The following SDCBP2 variants were observed in gnomAD, a reference collection of about 807,000 sequenced individuals.
The protein encoded by SDCBP2 is syntenin-2.
SDCBP2 carries 28 observed loss-of-function variants against 30.7 expected under a neutral mutation model. The ratio of observed to expected loss-of-function variants is 0.91; its 90% CI spans 0.68 to 1.25. SDCBP2 has a LOEUF of 1.25. Among genes scored for constraint, SDCBP2 ranks in the 50% most tolerant of loss-of-function variants. The probability of loss-of-function intolerance (pLI) is 0.00; values close to 1 mark genes in which losing one functional copy is unlikely to be tolerated. For missense variants in SDCBP2, 399 were observed against 379.0 expected, an observed-to-expected ratio of 1.05 and a Z score of -0.44; for synonymous variants, 166 against 157.3, an observed-to-expected ratio of 1.06 and a Z score of -0.41.
intron 7 of SDCBP2, among the ~76,000 whole-genome samples, chr20:1,311,719 C>T (rs920188957): frequency 2.0e-5 from 3 of 152,128 alleles, no homozygotes; most frequent in East Asian, 1.9e-4. Context: ...AAGAACCTCA[C>T]GACCCCATGG....
chr20:1,316,633 A>G (rs1356884273), intron 4 of SDCBP2, among the ~76,000 whole-genome samples: 1 of 152,128 alleles, frequency 6.6e-6, no homozygotes, highest in Non-Finnish European at 1.5e-5. Flanking sequence ...CAAGTGATCC[A>G]CCTGTCTCAG....
At chr20:1,328,067 A>G (rs2088956134) in intron 1 of SDCBP2, among the ~76,000 whole-genome samples, 1 of 152,062 alleles carries the variant, frequency 6.6e-6, no homozygotes, top group South Asian at 2.1e-4. Context: ...CATTTGAGGA[A>G]AGGCCTAATG....
At chr20:1,310,612 C>A in intron 8 of SDCBP2, 117 bp from the exon 9 acceptor site, 1 of 1,111,634 alleles carries the variant, frequency 9.0e-7, no homozygotes. Context: ...AGTTCTAAGA[C>A]TTTCGAATCA....
chr20:1,314,127 AAATT>A (rs2088732178), intron 4 of SDCBP2, among the ~76,000 whole-genome samples: 1 of 152,230 alleles, frequency 6.6e-6, no homozygotes, highest in Non-Finnish European at 1.5e-5. Context: ...CTGGGATACA[AAATT>A]AACACACAAG....
chr20:1,313,420 T>TCTCA lies in SDCBP2; in HGVS notation c.300_303dup (p.Ile102Ter), dbSNP rs1256631124. 3 of 1,606,502 alleles carry TCTCA rather than the reference T, an allele frequency of 1.9e-6. No homozygotes were observed. The South Asian group carries it at 3.3e-5, about 18-fold the overall frequency. On this transcript the variant is annotated stop_gained and frameshift_variant, in exon 5 of 9. Coordinates refer to ENST00000360779, the MANE Select transcript of SDCBP2 (RefSeq NM_080489.5). LOFTEE classifies it high-confidence loss of function. The surrounding 1 kb of genome is among the most constrained non-coding windows in gnomAD (Gnocchi z 5.2). ...TGGATCTCGCGCACCCCGGGCTTGA[T>TCTCA]CTCAGCTCGCCGCACGCCCAGGCTG...
intron 8 of SDCBP2, 93 bp from the exon 9 acceptor site, chr20:1,310,588 G>T: frequency 2.4e-6 from 3 of 1,246,972 alleles, no homozygotes; most frequent in Non-Finnish European, 3.4e-6. Flanking sequence ...CATCCCATGT[G>T]GGCCTTCACT....
chr20:1,319,739 G>A lies in SDCBP2; in HGVS notation c.55-80C>T, dbSNP rs923372701. ...GAGCCTGGAGCTCCATGAGGCCAGG[G>A]TCTGGGCATTAGGGGTGTGAGTGGG... On this transcript the variant is annotated intron_variant, in intron 2 of 8. Transcript: ENST00000360779. 8.6e-6 allele frequency: 11 copies of A among 1,272,896 alleles called. No individual in the cohort carries two copies. The African/African-American group carries it at 1.4e-4, about 16-fold the overall frequency. 78.9% of individuals were successfully genotyped at this position (1,272,896 alleles called of 1,614,324 possible).
At chr20:1,325,887 C>G (rs912117) in intron 1 of SDCBP2, 58,835 of 152,002 alleles carry the variant, frequency 0.39, 11,538 homozygotes, top group East Asian at 0.59. Context: ...TGCCCCGCCC[C>G]ACCCTACGCA....
At position 1,320,558 on chromosome 20, in the gene SDCBP2, A is replaced by C; in HGVS notation, c.-19-123T>G. ...TATTCAAACAGAAAGGCAGCAGGGC[A>C]CTTAGAATGCCTCCCCGAACTCCAC... On this transcript the variant is annotated intron_variant, in intron 1 of 8. Coordinates refer to ENST00000360779, the MANE Select transcript of SDCBP2 (RefSeq NM_080489.5). The surrounding 1 kb of genome is among the most constrained non-coding windows in gnomAD (Gnocchi z 4.7). 1.4e-6 allele frequency: 1 copy of C among 702,020 alleles called. No individual in the cohort carries two copies. The highest frequency in any genetic ancestry group is 2.4e-6 in the Non-Finnish European group (1 of 409,080). The allele number at this position is 702,020 out of a possible 1,614,324, so 43.5% of individuals were successfully genotyped here.
intron 4 of SDCBP2, among the ~76,000 whole-genome samples, chr20:1,314,595 A>AAC (rs1451519750): frequency 6.7e-6 from 1 of 148,902 alleles, no homozygotes; most frequent in Non-Finnish European, 1.5e-5. Context: ...CACTCAAAAA[A>AAC]AAAAAAAAAA....
At chr20:1,316,125 G>A (rs1166517667) in intron 4 of SDCBP2, among the ~76,000 whole-genome samples, 1 of 151,950 alleles carries the variant, frequency 6.6e-6, no homozygotes, top group African/African-American at 2.4e-5. Context: ...AAGAAAACAA[G>A]CCATTTAGAA....
intron 2 of SDCBP2, 55 bp from the exon 3 acceptor site, chr20:1,319,714 G>A: frequency 2.1e-6 from 3 of 1,428,496 alleles, no homozygotes; most frequent in Non-Finnish European, 2.8e-6. Context: ...AGGAACCCCA[G>A]AGCCTGGAGC....
chr20:1,326,242 C>G (rs1385978921), intron 1 of SDCBP2, among the ~76,000 whole-genome samples: 1 of 152,206 alleles, frequency 6.6e-6, no homozygotes, highest in Non-Finnish European at 1.5e-5. Flanking sequence ...TCGTGATTTT[C>G]CCCAGCTGTG....
rs2088854596 is a variant in SDCBP2, at chr20:1,321,877, A to G, written c.-19-1442T>C. 1 of 152,234 alleles carries G rather than the reference A, an allele frequency of 6.6e-6. No homozygotes were observed. The highest frequency in any genetic ancestry group is 2.4e-5 in the African/African-American group (1 of 41,444). The allele number at this position is 152,234 out of a possible 1,614,324, so 9.4% of individuals were successfully genotyped here. The stretch of plus-strand genomic sequence containing the variant: ...TTCCCACTGCTCCCAAAAAACAGGA[A>G]GCTTTGGCAACCCTAGGCTATAGCA... On this transcript the variant is annotated intron_variant, in intron 1 of 8. Transcript: ENST00000360779. This position sits in a 1 kb window ranked among gnomAD's most constrained non-coding sequence, Gnocchi z 5.2.
At chr20:1,314,031 T>C (rs543885343) in intron 4 of SDCBP2, among the ~76,000 whole-genome samples, 2 of 152,228 alleles carry the variant, frequency 1.3e-5, no homozygotes, top group African/African-American at 4.8e-5. Flanking sequence ...ACGGTTCCTA[T>C]TTATAGATGG....
Position 1,310,324 on chromosome 20 carries a change from C to A in SDCBP2, c.*117G>T, listed in dbSNP as rs113382304. The A allele has an allele frequency of 0.022, 23,228 of 1,077,974 alleles. 336 individuals carry two copies. Among genetic ancestry groups the A allele is most frequent in the Non-Finnish European group, 0.026 (18,763 of 718,658 alleles). 66.8% of individuals were successfully genotyped at this position (1,077,974 alleles called of 1,614,324 possible). The stretch of plus-strand genomic sequence containing the variant: ...TGGTCACCCTCCTGGACACGCCCCC[C>A]TCATGGCAGCCCCCACCTTAAGCAG... On this transcript the variant is annotated 3_prime_UTR_variant, in exon 9 of 9. Transcript: ENST00000360779.
Position 1,313,384 on chromosome 20 carries a change from C to G in SDCBP2, c.340G>C (p.Asp114His), listed in dbSNP as rs2088714855. The change falls in exon 5 of 9, where the codon GAC becomes CAC. Residue 114 changes from aspartate (D) to histidine (H), a missense_variant. Coordinates refer to ENST00000360779, the MANE Select transcript of SDCBP2 (RefSeq NM_080489.5). This position sits in a 1 kb window ranked among gnomAD's most constrained non-coding sequence, Gnocchi z 5.2. The part of the protein sequence containing the change: ...PGVREIHLCK[D>H]ERGKTGLRLR... ...CTCAGCCCGGTCTTGCCGCGCTCGT[C>G]CTTGCACAGGTGGATCTCGCGCACC... is the stretch of plus-strand genomic sequence containing the variant. The G allele has an allele frequency of 5.0e-6, 8 of 1,611,268 alleles. No homozygotes were observed. In the East Asian group the frequency reaches 1.8e-4, roughly 36 times the overall value.
At position 1,310,559 on chromosome 20, in the gene SDCBP2, ACCCCCTTCCGAGCCAGTGCAT is replaced by A. The variant is rs1176203765; in HGVS notation, c.825-85_825-65del. The A allele has an allele frequency of 6.1e-6, 9 of 1,483,916 alleles. No homozygotes were observed. In the African/African-American group the frequency reaches 1.1e-4, roughly 18 times the overall value. 91.9% of individuals were successfully genotyped at this position (1,483,916 alleles called of 1,614,324 possible). A position where few individuals can be genotyped will look rare whatever the true frequency, so the allele number is the denominator to read the frequency against. On this transcript the variant is annotated intron_variant, in intron 8 of 8. Transcript: ENST00000360779. ...TTCTCTCCACCCTCCAGCAACCTCC[ACCCCCTTCCGAGCCAGTGCAT>A]CCCATGTGGGCCTTCACTCCCAGTT...
rs1045016293 is a variant in SDCBP2, at chr20:1,317,900, C to T, written c.225+418G>A. 11 of 341,458 alleles carry T rather than the reference C, an allele frequency of 3.2e-5. 1 individual carries two copies. Among genetic ancestry groups the T allele is most frequent in the African/African-American group, 8.6e-5 (4 of 46,582 alleles). 21.2% of individuals were successfully genotyped at this position (341,458 alleles called of 1,614,324 possible). A position where few individuals can be genotyped will look rare whatever the true frequency, so the allele number is the denominator to read the frequency against. On this transcript the variant is annotated intron_variant, in intron 4 of 8. Coordinates refer to ENST00000360779, the MANE Select transcript of SDCBP2 (RefSeq NM_080489.5). ...TTCTGTGATGGTGTCTTTTGCTCCC[C>T]GAAGCCATGGAAAGCAGGAATTGAG...
Sources: gnomAD v4.1 joint callset for allele counts (sites outside exome capture counted in the v4.1 genomes callset) on GRCh38, gnomAD v4.1.1 for gene constraint, Gnocchi (gnomAD v3.1) non-coding constraint, MANE v1.5 for transcripts, NCBI Gene and HGNC (gene_info 2026-07-23, HGNC 2026-07-21) for gene names.